SLC27A2: variants seen among roughly 807,000 people sequenced by gnomAD.
SLC27A2 encodes the protein long-chain fatty acid transport protein 2.
Under a neutral mutation model 60.0 loss-of-function variants are expected in SLC27A2, and 54 were observed. The ratio of observed to expected loss-of-function variants is 0.90; its 90% confidence interval spans 0.72 to 1.13. The LOEUF (loss-of-function observed/expected upper bound fraction) is 1.13. Ranked by LOEUF, SLC27A2 falls within the 50% of genes most tolerant of loss-of-function variation. The pLI, the probability that SLC27A2 is intolerant of heterozygous loss-of-function variation, is 0.00. For missense variants in SLC27A2, 739 were observed against 777.6 expected, an observed-to-expected ratio of 0.95 and a Z score of 0.59; for synonymous variants, 297 against 297.6, an observed-to-expected ratio of 1.00 and a Z score of 0.02.
intron 1 of SLC27A2, among the ~76,000 whole-genome samples, chr15:50,195,916 A>G (rs1199215857): frequency 3.4e-5 from 5 of 149,066 alleles, no homozygotes; most frequent in African/African-American, 7.4e-5. Context: ...TTAACTGGGC[A>G]TGGTGGCGGG....
chr15:50,201,389 G>C (rs1304659316), intron 2 of SLC27A2, among the ~76,000 whole-genome samples: 1 of 152,082 alleles, frequency 6.6e-6, no homozygotes, highest in Non-Finnish European at 1.5e-5. Flanking sequence ...ATTTATAACA[G>C]CAAATAGTAT....
intron 1 of SLC27A2, among the ~76,000 whole-genome samples, chr15:50,188,828 C>T (rs150644345): frequency 3.6e-4 from 55 of 152,154 alleles, no homozygotes; most frequent in Non-Finnish European, 5.9e-4. Context: ...GGCATGGTGG[C>T]GGGCATCCGT....
At chr15:50,192,596 G>A (rs1430623052) in intron 1 of SLC27A2, among the ~76,000 whole-genome samples, 1 of 150,804 alleles carries the variant, frequency 6.6e-6, no homozygotes, top group Non-Finnish European at 1.5e-5. Flanking sequence ...CCAGGCTGGA[G>A]TGCAGTGGCA....
chr15:50,208,905 C>A (rs1393421833), intron 4 of SLC27A2, among the ~76,000 whole-genome samples: 2 of 152,098 alleles, frequency 1.3e-5, no homozygotes, highest in East Asian at 3.9e-4. Flanking sequence ...TTGTAGTTGC[C>A]TAAAAACAAT....
At chr15:50,216,815 A>T (rs1431712117) in intron 4 of SLC27A2, among the ~76,000 whole-genome samples, 5 of 136,756 alleles carry the variant, frequency 3.7e-5, no homozygotes, top group Non-Finnish European at 6.2e-5. Context: ...AAATATATAT[A>T]TTTTATGGAT....
chr15:50,197,828 T>A, intron 2 of SLC27A2, 119 bp downstream of exon 2: 3 of 698,076 alleles, frequency 4.3e-6, no homozygotes, highest in Non-Finnish European at 7.3e-6. Context: ...TCAGGAGATT[T>A]AGTTATTTGC....
At chr15:50,226,648 C>T (rs1437230284) in intron 6 of SLC27A2, among the ~76,000 whole-genome samples, 1 of 152,274 alleles carries the variant, frequency 6.6e-6, no homozygotes, top group East Asian at 1.9e-4. Context: ...AGGAGAATCC[C>T]TTGACCATGG....
Position 50,229,045 on chromosome 15 carries a change from A to C in SLC27A2, c.1555+3A>C. Reference sequence around the variant, plus strand: ...TGTTTATGGAGTGCATGTGCCAGGTATATACAAGATATGATCTGTACCTAA... The same window carrying C: ...TGTTTATGGAGTGCATGTGCCAGGTCTATACAAGATATGATCTGTACCTAA... On this transcript the variant is annotated splice_donor_region_variant and intron_variant, in intron 8 of 9. Transcript: ENST00000267842. 1.9e-6 allele frequency: 3 copies of C among 1,579,280 alleles called. No homozygotes were observed. Among genetic ancestry groups the C allele is most frequent in the Non-Finnish European group, 2.6e-6 (3 of 1,156,630 alleles).
At chr15:50,184,729 T>C (rs2044905908) in intron 1 of SLC27A2, among the ~76,000 whole-genome samples, 2 of 151,338 alleles carry the variant, frequency 1.3e-5, no homozygotes, top group South Asian at 4.2e-4. Flanking sequence ...CCCAACTACC[T>C]GGGAGGCTGA....
At chr15:50,193,983 ACAT>A (rs2044994289) in intron 1 of SLC27A2, among the ~76,000 whole-genome samples, 1 of 152,088 alleles carries the variant, frequency 6.6e-6, no homozygotes, top group South Asian at 2.1e-4. Context: ...ACGTAGCGGG[ACAT>A]CATCTCTACA....
chr15:50,222,453 T>C (rs1479127634), intron 4 of SLC27A2, among the ~76,000 whole-genome samples: 1 of 152,230 alleles, frequency 6.6e-6, no homozygotes, highest in African/African-American at 2.4e-5. Flanking sequence ...CTGTGTTTCC[T>C]GTTTTCTTCT....
At position 50,182,458 on chromosome 15, in the gene SLC27A2, G is replaced by A. The variant is rs1399150139; in HGVS notation, c.31G>A (p.Gly11Arg). 1 of 1,607,670 alleles carries A rather than the reference G, an allele frequency of 6.2e-7. No individual in the cohort carries two copies. Among genetic ancestry groups the A allele is most frequent in the Non-Finnish European group, 8.5e-7 (1 of 1,177,486 alleles). The change falls in exon 1 of 10, where the codon GGA becomes AGA. Residue 11 changes from glycine (G) to arginine (R), a missense_variant. Physicochemically the swap from Gly to Arg is moderately radical, Grantham distance 125. Coordinates refer to ENST00000267842, the MANE Select transcript of SLC27A2 (RefSeq NM_003645.4). ...TTCCGCCATCTACACAGTCCTGGCG[G>A]GACTGCTGTTCCTGCCGCTCCTGGT... is the stretch of plus-strand genomic sequence containing the variant. MLSAIYTVLA[G>R]LLFLPLLVNL...
chr15:50,201,840 C>T (rs1326729837), intron 2 of SLC27A2, among the ~76,000 whole-genome samples: 1 of 152,170 alleles, frequency 6.6e-6, no homozygotes, highest in Non-Finnish European at 1.5e-5. Context: ...CAGGCGTGAG[C>T]CACCGCGCCT....
chr15:50,204,974 T>C (rs2045099468), intron 3 of SLC27A2, among the ~76,000 whole-genome samples: 1 of 150,052 alleles, frequency 6.7e-6, no homozygotes, highest in African/African-American at 2.4e-5. Context: ...TCCCTCCCTC[T>C]TAGGACTTCA....
intron 4 of SLC27A2, among the ~76,000 whole-genome samples, chr15:50,210,302 A>C (rs775704397): frequency 4.6e-5 from 7 of 152,076 alleles, no homozygotes; most frequent in Non-Finnish European, 7.4e-5. Flanking sequence ...CCCGGGAGAC[A>C]CCCCAAATAC....
intron 1 of SLC27A2, among the ~76,000 whole-genome samples, chr15:50,184,648 C>T (rs2044904778): frequency 6.6e-6 from 1 of 151,460 alleles, no homozygotes; most frequent in Non-Finnish European, 1.5e-5. Context: ...CTAGCCTGGC[C>T]AACATAGCAA....
intron 1 of SLC27A2, among the ~76,000 whole-genome samples, chr15:50,186,438 T>C (rs1036553513): frequency 7.9e-5 from 12 of 151,950 alleles, no homozygotes; most frequent in Admixed American, 7.9e-4. Flanking sequence ...TTTGTTTGTT[T>C]GTTTGTTTGT....
Position 50,182,318 on chromosome 15 carries a change from C to G in SLC27A2, c.-110C>G. The G allele has an allele frequency of 1.8e-5, 24 of 1,328,690 alleles. 2 individuals carry two copies. In the South Asian group the frequency reaches 5.2e-4, roughly 29 times the overall value. 82.3% of individuals were successfully genotyped at this position (1,328,690 alleles called of 1,614,324 possible). A position where few individuals can be genotyped will look rare whatever the true frequency, so the allele number is the denominator to read the frequency against. ...CTCACGCGAGCCCGGCGTCCCGCCG[C>G]GTGCGCCCCGGCGCAGCCCGCCAGT... On this transcript the variant is annotated 5_prime_UTR_variant, in exon 1 of 10. Coordinates refer to ENST00000267842, the MANE Select transcript of SLC27A2 (RefSeq NM_003645.4).
chr15:50,211,297 C>T (rs1001732678), intron 4 of SLC27A2, among the ~76,000 whole-genome samples: 1 of 152,192 alleles, frequency 6.6e-6, no homozygotes, highest in Non-Finnish European at 1.5e-5. Context: ...AAATCATTCA[C>T]ATCACAGGAC....
Sources: gnomAD v4.1 joint callset for allele counts (sites outside exome capture counted in the v4.1 genomes callset) on GRCh38, gnomAD v4.1.1 for gene constraint, MANE v1.5 for transcripts, NCBI Gene and HGNC (gene_info 2026-07-23, HGNC 2026-07-21) for gene names.